PTGER3: variants seen among roughly 807,000 people sequenced by gnomAD.
The protein encoded by PTGER3 is prostaglandin E2 receptor EP3 subtype.
PTGER3 carries 22 observed loss-of-function variants against 34.7 expected under a neutral mutation model. The observed-to-expected ratio is 0.63, with a 90% CI of 0.45 to 0.91. The LOEUF (loss-of-function observed/expected upper bound fraction) is 0.91. PTGER3 is among the 40% of genes least tolerant of loss of function. The pLI is 0.00. For missense variants in PTGER3, 468 were observed against 519.4 expected (o/e 0.90, Z 0.96); for synonymous variants, 241 against 230.1 (o/e 1.05, Z -0.43).
At chr1:70,943,847 GGA>G (rs60989903) in intron 4 of PTGER3, among the ~76,000 whole-genome samples, 63,433 of 137,954 alleles carry the variant, frequency 0.46, 15,459 homozygotes, top group East Asian at 0.7. Flanking sequence ...GGAGAGAGAG[GGA>G]GAGAGAGAGA....
chr1:70,903,300 G>A (rs953035708), intron 4 of PTGER3, among the ~76,000 whole-genome samples: 7 of 152,118 alleles, frequency 4.6e-5, no homozygotes, highest in Non-Finnish European at 1.0e-4. Flanking sequence ...ATAGTTTTGG[G>A]TAGTTTTAAG....
At chr1:70,948,190 TC>T (rs552222312), downstream of PTGER3, among the ~76,000 whole-genome samples, 33 of 152,180 alleles carry the variant, frequency 2.2e-4, no homozygotes, top group African/African-American at 7.7e-4. Flanking sequence ...TTTGGCTGTA[TC>T]CCCACCCAAA....
intron 4 of PTGER3, among the ~76,000 whole-genome samples, chr1:70,914,631 A>G (rs1352475358): frequency 6.6e-6 from 1 of 151,884 alleles, no homozygotes; most frequent in Non-Finnish European, 1.5e-5. Flanking sequence ...ATAGGATTTG[A>G]TGGGCCTCCT....
intron 2 of PTGER3, among the ~76,000 whole-genome samples, chr1:70,992,546 A>G (rs754871280): frequency 4.6e-5 from 7 of 152,142 alleles, no homozygotes; most frequent in African/African-American, 9.7e-5. Flanking sequence ...TGACTCAATG[A>G]TCTCTACTGT....
downstream of PTGER3, among the ~76,000 whole-genome samples, chr1:70,951,673 C>A (rs955323667): frequency 2.0e-5 from 3 of 152,170 alleles, no homozygotes; most frequent in African/African-American, 7.2e-5. Flanking sequence ...CTCACATATT[C>A]CTCACAGCAA....
intron 2 of PTGER3, 24 bp from the exon 3 acceptor site, chr1:70,974,412 C>T (rs1255562915): frequency 1.2e-6 from 1 of 855,032 alleles, no homozygotes; most frequent in Admixed American, 1.7e-5. Context: ...GAGGATTTCA[C>T]AGGACACTTC....
intron 4 of PTGER3, among the ~76,000 whole-genome samples, chr1:70,907,385 G>T (rs780456037): frequency 3.9e-5 from 6 of 152,214 alleles, no homozygotes; most frequent in African/African-American, 9.6e-5. Context: ...AGTGTCATAG[G>T]TAACAGAGAA....
chr1:70,883,324 A>G (rs1646432329), intron 4 of PTGER3, among the ~76,000 whole-genome samples: 1 of 152,230 alleles, frequency 6.6e-6, no homozygotes, highest in Admixed American at 6.5e-5. Context: ...TCTTATTAAC[A>G]CATTCATAAA....
intron 1 of PTGER3, among the ~76,000 whole-genome samples, chr1:71,046,303 A>AAC (rs1660803757): frequency 1.3e-5 from 2 of 151,066 alleles, no homozygotes; most frequent in Non-Finnish European, 3.0e-5. Context: ...AAAAAAAAAA[A>AAC]AAACCCCACA....
chr1:71,009,267 A>G (rs1366013907), intron 2 of PTGER3: 1 of 985,084 alleles, frequency 1.0e-6, no homozygotes. Context: ...GTTAACTTAC[A>G]TGAGGTTTTG....
downstream of PTGER3, among the ~76,000 whole-genome samples, chr1:70,948,554 C>T (rs946280110): frequency 6.6e-6 from 1 of 152,138 alleles, no homozygotes; most frequent in Non-Finnish European, 1.5e-5. Flanking sequence ...AAAATGGCTG[C>T]ATACCAATTT....
chr1:70,887,693 G>A (rs867083955), intron 4 of PTGER3, among the ~76,000 whole-genome samples: 7 of 151,572 alleles, frequency 4.6e-5, no homozygotes, highest in South Asian at 2.1e-4. Context: ...TTTTCTCTGT[G>A]GTGCATTAGA....
At chr1:71,012,516 G>A (rs751905992) in intron 1 of PTGER3, 32 bp from the exon 2 acceptor site, 101 of 1,581,802 alleles carry the variant, frequency 6.4e-5, no homozygotes. Flanking sequence ...TTGTTTCAAA[G>A]ATTAGTAAGG....
At chr1:70,852,984 C>A (rs1248613188) in intron 4 of PTGER3, 1 of 1,100,648 alleles carries the variant, frequency 9.1e-7, no homozygotes, top group African/African-American at 1.6e-5. Context: ...AAATCACTTA[C>A]AGCAGTATAA....
intron 2 of PTGER3, among the ~76,000 whole-genome samples, chr1:70,978,745 G>A (rs1653952818): frequency 6.6e-6 from 1 of 151,998 alleles, no homozygotes; most frequent in Admixed American, 6.6e-5. Flanking sequence ...TCTGAGCACT[G>A]GCAAGTTCTT....
At chr1:70,952,014 G>A (rs1353739046), downstream of PTGER3, among the ~76,000 whole-genome samples, 2 of 152,038 alleles carry the variant, frequency 1.3e-5, no homozygotes, top group East Asian at 1.9e-4. Flanking sequence ...GAAAAAAGTG[G>A]GATAGCATGT....
chr1:70,912,055 T>C (rs1224345158), intron 4 of PTGER3, among the ~76,000 whole-genome samples: 1 of 152,174 alleles, frequency 6.6e-6, no homozygotes, highest in African/African-American at 2.4e-5. Flanking sequence ...CTAAGCATTT[T>C]GTGCTGACTC....
intron 4 of PTGER3, among the ~76,000 whole-genome samples, chr1:70,940,403 A>C (rs1345065383): frequency 6.6e-6 from 1 of 152,204 alleles, no homozygotes; most frequent in African/African-American, 2.4e-5. Context: ...AGTTGCTTCC[A>C]CATTTTCAAG....
intron 4 of PTGER3, among the ~76,000 whole-genome samples, chr1:70,917,917 GTTAT>G (rs1315664261): frequency 2.0e-5 from 3 of 151,996 alleles, no homozygotes; most frequent in Non-Finnish European, 4.4e-5. Context: ...TTGCTATTGA[GTTAT>G]TTGAGTTCCT....
Sources: gnomAD v4.1 joint callset for allele counts (sites outside exome capture counted in the v4.1 genomes callset) on GRCh38, gnomAD v4.1.1 for gene constraint, MANE v1.5 for transcripts, NCBI Gene and HGNC (gene_info 2026-07-23, HGNC 2026-07-21) for gene names.